The following LGR5 variants were observed in gnomAD, a reference collection of about 807,000 sequenced individuals.
The protein encoded by LGR5 is leucine rich repeat containing G protein-coupled receptor 5.
Under a neutral mutation model 76.7 loss-of-function variants are expected in LGR5, and 54 were observed. The ratio of observed to expected loss-of-function variants is 0.70; its 90% CI spans 0.57 to 0.88. The LOEUF is 0.88. LGR5 is among the 40% of genes least tolerant of loss of function. The probability of loss-of-function intolerance (pLI) is 0.00; values close to 1 mark genes in which losing one functional copy is unlikely to be tolerated. For synonymous variants in LGR5, 406 were observed against 421.9 expected (o/e 0.96, Z 0.46); for missense variants, 1,078 against 1,073.3 (o/e 1.00, Z -0.06).
At chr12:71,529,065 A>ACTTC (rs1876164490) in intron 3 of LGR5, among the ~76,000 whole-genome samples, 1 of 152,192 alleles carries the variant, frequency 6.6e-6, no homozygotes, top group Non-Finnish European at 1.5e-5. Context: ...TGAGTGTCAC[A>ACTTC]CTTCCTGATT....
chr12:71,518,014 C>T (rs928184200), intron 2 of LGR5, among the ~76,000 whole-genome samples: 1 of 152,160 alleles, frequency 6.6e-6, no homozygotes. Context: ...CACCATCTCC[C>T]ATCTGGAGAC....
At chr12:71,479,105 C>G (rs933591008) in intron 1 of LGR5, among the ~76,000 whole-genome samples, 1 of 152,088 alleles carries the variant, frequency 6.6e-6, no homozygotes, top group African/African-American at 2.4e-5. Context: ...TTACATTCAA[C>G]GGGAAATTAA....
chr12:71,565,123 C>T (rs922356848), intron 8 of LGR5, among the ~76,000 whole-genome samples: 14 of 151,952 alleles, frequency 9.2e-5, no homozygotes, highest in Non-Finnish European at 1.9e-4. Context: ...CTTTCTCTTA[C>T]TGATTAATCC....
intron 4 of LGR5, among the ~76,000 whole-genome samples, chr12:71,542,415 A>G (rs1440061486): frequency 6.6e-6 from 1 of 152,144 alleles, no homozygotes; most frequent in Non-Finnish European, 1.5e-5. Context: ...CCCTTGAAAG[A>G]TATTTGGGAC....
chr12:71,489,908 G>A (rs1483436232), intron 1 of LGR5, among the ~76,000 whole-genome samples: 1 of 151,350 alleles, frequency 6.6e-6, no homozygotes, highest in Non-Finnish European at 1.5e-5. Flanking sequence ...GCAGAAAAAA[G>A]AAGAAGAAGA....
chr12:71,564,707 G>GTATA (rs199806988), intron 8 of LGR5, among the ~76,000 whole-genome samples: 2 of 7,024 alleles, frequency 2.8e-4, no homozygotes, highest in African/African-American at 3.1e-4. Flanking sequence ...TACACACACT[G>GTATA]TATATATACA....
At chr12:71,485,822 G>T (rs988443449) in intron 1 of LGR5, among the ~76,000 whole-genome samples, 3 of 151,090 alleles carry the variant, frequency 2.0e-5, no homozygotes, top group African/African-American at 7.3e-5. Flanking sequence ...CTGGACTGCA[G>T]TGGTGCAATC....
At chr12:71,542,672 A>T (rs1876942087) in intron 4 of LGR5, among the ~76,000 whole-genome samples, 1 of 152,184 alleles carries the variant, frequency 6.6e-6, no homozygotes, top group Admixed American at 6.5e-5. Context: ...AGTGTGGAGA[A>T]TAATTTCTAA....
rs149369154 is a variant in LGR5, at chr12:71,553,178, C to G, written c.534C>G (p.Pro178=). The G allele has an allele frequency of 6.2e-7, 1 of 1,614,058 alleles. No homozygotes were observed. The highest frequency in any genetic ancestry group is 8.5e-7 in the Non-Finnish European group (1 of 1,180,000). The change falls in exon 5 of 18, where the codon CCC becomes CCG. Residue 178 remains proline (P), a synonymous_variant. Coordinates refer to ENST00000266674, the MANE Select transcript of LGR5 (RefSeq NM_003667.4). ...WLDDNALTEI[P]VQAFRSLSAL... is the part of the protein sequence containing the mutation. ...ATGACAATGCGTTAACAGAAATCCC[C>G]GTCCAGGCTTTTAGAAGTTTATCGG...
intron 6 of LGR5, among the ~76,000 whole-genome samples, chr12:71,559,343 C>A (rs1053997073): frequency 5.9e-5 from 9 of 152,106 alleles, no homozygotes; most frequent in African/African-American, 2.2e-4. Flanking sequence ...TTTTTAGACG[C>A]CCCAGTGCCA....
intron 1 of LGR5, among the ~76,000 whole-genome samples, chr12:71,483,660 G>A (rs569407846): frequency 6.6e-6 from 1 of 152,264 alleles, no homozygotes; most frequent in East Asian, 1.9e-4. Context: ...GCTGCTTACT[G>A]CCGTGTCACC....
intron 1 of LGR5, among the ~76,000 whole-genome samples, chr12:71,461,362 A>G (rs1872679436): frequency 6.6e-6 from 1 of 152,170 alleles, no homozygotes; most frequent in Non-Finnish European, 1.5e-5. Flanking sequence ...TATCTTCCAG[A>G]CATATGAAAT....
At chr12:71,549,864 C>G (rs1408366090) in intron 4 of LGR5, among the ~76,000 whole-genome samples, 1 of 151,968 alleles carries the variant, frequency 6.6e-6, no homozygotes, top group Non-Finnish European at 1.5e-5. Flanking sequence ...AAGAATTCTC[C>G]TGTCTTACTC....
chr12:71,467,114 A>G (rs539098347), intron 1 of LGR5, among the ~76,000 whole-genome samples: 2 of 152,204 alleles, frequency 1.3e-5, no homozygotes, highest in African/African-American at 4.8e-5. Flanking sequence ...TTTCTATTCC[A>G]TAAATAAAGA....
At chr12:71,561,930 C>A in intron 8 of LGR5, 78 bp downstream of exon 8, 2 of 858,842 alleles carry the variant, frequency 2.3e-6, no homozygotes, top group Non-Finnish European at 3.6e-6. Context: ...AATGAATATT[C>A]TATATTTGCC....
chr12:71,524,474 T>C lies in LGR5; in HGVS notation c.353T>C (p.Val118Ala), dbSNP rs749995551. The C allele has an allele frequency of 6.2e-7, 1 of 1,604,104 alleles. No homozygotes were observed. Among genetic ancestry groups the C allele is most frequent in the Non-Finnish European group, 8.5e-7 (1 of 1,171,412 alleles). The change falls in exon 3 of 18, where the codon GTT becomes GCT. Residue 118 changes from valine to alanine, a missense_variant. Transcript: ENST00000266674. ...TTCACTGGCCTTTACAGTCTTAAAG[T>C]TCTGTAAGTAAACTGAGTGTTGTTG... is the stretch of plus-strand genomic sequence containing the variant. ...GAFTGLYSLK[V>A]LMLQNNQLRH...
chr12:71,484,950 C>T (rs12829525), intron 1 of LGR5, among the ~76,000 whole-genome samples: 1 of 152,078 alleles, frequency 6.6e-6, no homozygotes, highest in Non-Finnish European at 1.5e-5. Context: ...CCATTTAATA[C>T]GTGACCAGTA....
In LGR5 at chr12:71,512,258, G is replaced by T. The variant is rs372330617; in HGVS notation, c.284+7573G>T. Among the ~76,000 whole-genome samples, 25 of 152,266 alleles carry T rather than the reference G, an allele frequency of 1.6e-4. No individual in the cohort carries two copies. In the East Asian group the frequency reaches 3.9e-3, roughly 24 times the overall value. On this transcript the variant is annotated intron_variant, in intron 2 of 17. Coordinates refer to ENST00000266674, the MANE Select transcript of LGR5 (RefSeq NM_003667.4). Reference sequence around the variant, plus strand: ...ACCTGCCTTGACCTCCCAAACCGCTGGGATTACGTGAGTGAGCCACCGCGC... The same window carrying T: ...ACCTGCCTTGACCTCCCAAACCGCTTGGATTACGTGAGTGAGCCACCGCGC...
intron 1 of LGR5, among the ~76,000 whole-genome samples, chr12:71,456,802 G>A (rs181323219): frequency 9.3e-4 from 141 of 152,274 alleles, no homozygotes; most frequent in Middle Eastern, 3.4e-3. Context: ...ACAAGGAATA[G>A]CATTCATTTA....
Sources: gnomAD v4.1 joint callset for allele counts (sites outside exome capture counted in the v4.1 genomes callset) on GRCh38, gnomAD v4.1.1 for gene constraint, MANE v1.5 for transcripts, NCBI Gene and HGNC (gene_info 2026-07-23, HGNC 2026-07-21) for gene names.